Variants in PLPPR4 observed in about 807,000 individuals in gnomAD.
PLPPR4 encodes phospholipid phosphatase related 4.
In PLPPR4, 24 loss-of-function variants were observed where a neutral mutation model predicts 56.6. The observed-to-expected ratio is 0.42, with a 90% CI of 0.31 to 0.60. The LOEUF is 0.60. Among genes scored for constraint, PLPPR4 ranks in the 20% least tolerant of loss-of-function variants. The probability of loss-of-function intolerance (pLI) is 0.13; values close to 1 mark genes in which losing one functional copy is unlikely to be tolerated. For missense variants in PLPPR4, 654 were observed against 885.8 expected (o/e 0.74, Z 3.32); for synonymous variants, 326 against 328.1 (o/e 0.99, Z 0.07).
chr1:99,301,807 C>T lies in PLPPR4; in HGVS notation c.732C>T (p.Ile244=), dbSNP rs1185914450. The T allele has an allele frequency of 4.3e-6, 7 of 1,612,476 alleles. No individual in the cohort carries two copies. Among genetic ancestry groups the T allele is most frequent in the Middle Eastern group, 3.3e-4 (2 of 6,076 alleles). Residue 244 remains isoleucine (I), a synonymous_variant, in exon 6 of 7, where the codon ATC becomes ATT. Transcript: ENST00000370185. The part of the protein sequence containing the change: ...LVFTFIICGI[I]CGLTRITQYK... ...TCACATTTATCATCTGTGGAATAAT[C>T]TGCGGGCTAACACGGATAACTCAGT...
chr1:99,272,559 A>G (rs1570906770), intron 1 of PLPPR4, among the ~76,000 whole-genome samples: 1 of 152,282 alleles, frequency 6.6e-6, no homozygotes, highest in East Asian at 1.9e-4. Flanking sequence ...AACAAGTCAA[A>G]GCAATTATGA....
At chr1:99,299,573 T>C (rs750843941) in intron 4 of PLPPR4, among the ~76,000 whole-genome samples, 14 of 152,100 alleles carry the variant, frequency 9.2e-5, no homozygotes, top group Non-Finnish European at 1.8e-4. Flanking sequence ...GCAGTCAATA[T>C]AACTCTTGTA....
chr1:99,304,559 G>T (rs1199190499), intron 6 of PLPPR4, among the ~76,000 whole-genome samples: 2 of 152,136 alleles, frequency 1.3e-5, no homozygotes, highest in African/African-American at 2.4e-5. Flanking sequence ...TGCTCATTCT[G>T]GTGAGAGCAT....
Position 99,264,670 on chromosome 1 carries a change from A to G in PLPPR4, c.77A>G (p.Glu26Gly). Residue 26 changes from glutamate (E) to glycine (G), a missense_variant and splice_region_variant, in exon 1 of 7, where the codon GAG (glutamate) becomes GGG (glycine). By Grantham distance (98) the Glu-to-Gly change is moderately conservative (BLOSUM62 -2). Transcript: ENST00000370185. ...CTCCTGCCCTGCTTTTATTTCGTCG[A>G]GGTGAGTTGGCCCAGTGCCTTGGCA... ...VTLLPCFYFV[E>G]LPILASSVVS... 6.4e-7 allele frequency: 1 copy of G among 1,550,534 alleles called. No individual in the cohort carries two copies. The highest frequency in any genetic ancestry group is 8.7e-7 in the Non-Finnish European group (1 of 1,146,956).
intron 4 of PLPPR4, among the ~76,000 whole-genome samples, chr1:99,299,609 A>T (rs1046612055): frequency 1.3e-5 from 2 of 152,010 alleles, no homozygotes; most frequent in African/African-American, 4.8e-5. Context: ...AACACATATG[A>T]AAGTTATATC....
chr1:99,285,011 C>A (rs1009402817), intron 1 of PLPPR4, among the ~76,000 whole-genome samples: 3 of 152,080 alleles, frequency 2.0e-5, no homozygotes, highest in African/African-American at 7.2e-5. Context: ...AAATTACTCT[C>A]AAAAGGTATT....
At chr1:99,299,544 T>C (rs899277205) in intron 4 of PLPPR4, among the ~76,000 whole-genome samples, 2 of 152,056 alleles carry the variant, frequency 1.3e-5, no homozygotes, top group Non-Finnish European at 2.9e-5. Flanking sequence ...TTCAGAATAT[T>C]TACAGTCAGT....
At chr1:99,269,951 T>C (rs1428526823) in intron 1 of PLPPR4, among the ~76,000 whole-genome samples, 1 of 152,086 alleles carries the variant, frequency 6.6e-6, no homozygotes, top group African/African-American at 2.4e-5. Flanking sequence ...ATTCAGAATA[T>C]TTTAATCTCA....
intron 1 of PLPPR4, among the ~76,000 whole-genome samples, chr1:99,269,133 T>C (rs903157250): frequency 1.3e-5 from 2 of 152,160 alleles, no homozygotes; most frequent in South Asian, 2.1e-4. Context: ...TGTCCATGTG[T>C]TCTCATTGTT....
At position 99,291,156 on chromosome 1, in the gene PLPPR4, C is replaced by T. The variant is rs1477559931; in HGVS notation, c.264+3006C>T. On this transcript the variant is annotated intron_variant, in intron 2 of 6. Coordinates refer to ENST00000370185, the MANE Select transcript of PLPPR4 (RefSeq NM_014839.5). Reference sequence around the variant, plus strand: ...TGAACAGACACTTCTCAAAAGAGGGCATACATGCAGCCAACTAGCATATGA... The same window carrying T: ...TGAACAGACACTTCTCAAAAGAGGGTATACATGCAGCCAACTAGCATATGA... Among the ~76,000 whole-genome samples, 3 of 150,602 alleles carry T rather than the reference C, an allele frequency of 2.0e-5. No individual in the cohort carries two copies. In the East Asian group the frequency reaches 5.8e-4, roughly 29 times the overall value.
intron 1 of PLPPR4, among the ~76,000 whole-genome samples, chr1:99,272,098 C>T (rs1405338932): frequency 6.6e-6 from 1 of 152,136 alleles, no homozygotes; most frequent in Non-Finnish European, 1.5e-5. Context: ...CACATTTTCT[C>T]TCAGCATATG....
chr1:99,270,125 A>C (rs1454058071), intron 1 of PLPPR4, among the ~76,000 whole-genome samples: 1 of 150,934 alleles, frequency 6.6e-6, no homozygotes, highest in African/African-American at 2.4e-5. Context: ...CCCAGGTTCA[A>C]ATGATTCTCC....
At chr1:99,264,774 C>G in intron 1 of PLPPR4, 103 bp downstream of exon 1, 1 of 1,289,554 alleles carries the variant, frequency 7.8e-7, no homozygotes, top group Non-Finnish European at 1.1e-6. Context: ...CTGCCGGGCG[C>G]GCGCGGCTGT....
chr1:99,275,534 T>C (rs887304227), intron 1 of PLPPR4, among the ~76,000 whole-genome samples: 2 of 152,156 alleles, frequency 1.3e-5, no homozygotes, highest in South Asian at 4.1e-4. Context: ...CGTCGTTGCG[T>C]AGGTCAATAA....
chr1:99,282,810 A>C (rs1167890605), intron 1 of PLPPR4, among the ~76,000 whole-genome samples: 2 of 151,644 alleles, frequency 1.3e-5, no homozygotes, highest in African/African-American at 4.8e-5. Context: ...TTGCCCATTC[A>C]AGTCTCTGCT....
At position 99,307,040 on chromosome 1, in the gene PLPPR4, C is replaced by T. The variant is rs202035999; in HGVS notation, c.*30C>T. Reference sequence around the variant, plus strand: ...TGTCCATTCCATCATTAGGGCTACTCGCAAAAGACCATATGTTGATTCTAC... The same window carrying T: ...TGTCCATTCCATCATTAGGGCTACTTGCAAAAGACCATATGTTGATTCTAC... On this transcript the variant is annotated 3_prime_UTR_variant, in exon 7 of 7. Transcript: ENST00000370185. 8.1e-5 allele frequency: 125 copies of T among 1,549,640 alleles called. No individual in the cohort carries two copies. In the East Asian group the frequency reaches 2.5e-3, roughly 31 times the overall value.
chr1:99,296,034 T>C (rs1557780973), intron 2 of PLPPR4, among the ~76,000 whole-genome samples: 1 of 152,200 alleles, frequency 6.6e-6, no homozygotes, highest in African/African-American at 2.4e-5. Flanking sequence ...TCACAGGTCC[T>C]AAAATCCTGC....
At position 99,306,039 on chromosome 1, in the gene PLPPR4, T is replaced by A; in HGVS notation, c.1177T>A (p.Ser393Thr). The change falls in exon 7 of 7, where the codon TCC becomes ACC. Residue 393 changes from serine (S) to threonine (T), a missense_variant. Around this residue, in one of 2 missense-constraint regions of PLPPR4, gnomAD observed 468 missense variants for 554.3 expected, o/e 0.84. Transcript: ENST00000370185. The surrounding 1 kb of genome is among the most constrained non-coding windows in gnomAD (Gnocchi z 4.0). ...RNASIHASMD[S>T]ARSKQLLTQW... ...TGCGAGCATTCATGCCTCTATGGAT[T>A]CCGCTCGATCAAAGCAGCTCCTCAC... 1 of 1,614,150 alleles carries A rather than the reference T, an allele frequency of 6.2e-7. No homozygotes were observed. Among genetic ancestry groups the A allele is most frequent in the Non-Finnish European group, 8.5e-7 (1 of 1,180,026 alleles).
At chr1:99,276,757 A>G (rs1329172906) in intron 1 of PLPPR4, among the ~76,000 whole-genome samples, 6 of 152,210 alleles carry the variant, frequency 3.9e-5, no homozygotes, top group African/African-American at 1.4e-4. Context: ...ATGGGAATTT[A>G]ACCATATCAT....
Sources: gnomAD v4.1 joint callset for allele counts (sites outside exome capture counted in the v4.1 genomes callset) on GRCh38, gnomAD v4.1.1 for gene constraint, gnomAD v4.1.1 regional missense constraint, Gnocchi (gnomAD v3.1) non-coding constraint, MANE v1.5 for transcripts, NCBI Gene and HGNC (gene_info 2026-07-23, HGNC 2026-07-21) for gene names.